Variants in KNTC1 observed in about 807,000 individuals in gnomAD.
The protein encoded by KNTC1 is kinetochore associated 1.
A neutral mutation model predicts 314.4 loss-of-function variants in KNTC1; 253 were observed. The observed-to-expected ratio is 0.80, with a 90% CI of 0.73 to 0.89. KNTC1 has a LOEUF of 0.89. Ranked by LOEUF, KNTC1 falls within the 40% of genes least tolerant of loss-of-function variation. The probability of loss-of-function intolerance (pLI) is 0.00; values close to 1 mark genes in which losing one functional copy is unlikely to be tolerated. For missense variants in KNTC1, 2,475 were observed against 2,572.9 expected, an observed-to-expected ratio of 0.96 and a Z score of 0.82; for synonymous variants, 901 against 901.4, an observed-to-expected ratio of 1.00 and a Z score of 0.01.
At position 122,594,694 on chromosome 12, in the gene KNTC1, C is replaced by G. The variant is rs185840062; in HGVS notation, c.4355+309C>G. Among the ~76,000 whole-genome samples, 25 of 152,296 alleles carry G rather than the reference C, an allele frequency of 1.6e-4. No homozygotes were observed. In the South Asian group the frequency reaches 1.9e-3, roughly 11 times the overall value. On this transcript the variant is annotated intron_variant, in intron 43 of 63. Coordinates refer to ENST00000333479, the MANE Select transcript of KNTC1 (RefSeq NM_014708.6). ...GGTCTGGACCAAGGCCTAGAAATCGCTGGTCTCTAATAGGAGCTCAGGTGA... is the reference window on the plus strand; with the variant it reads ...GGTCTGGACCAAGGCCTAGAAATCGGTGGTCTCTAATAGGAGCTCAGGTGA...
In KNTC1 at chr12:122,626,222, A is replaced by G. The variant is rs530214801; in HGVS notation, c.6624A>G (p.Leu2208=). 41 of 1,589,514 alleles carry G rather than the reference A, an allele frequency of 2.6e-5. No homozygotes were observed. The East Asian group carries it at 8.5e-4, about 33-fold the overall frequency. The change falls in exon 64 of 64, where the codon TTA becomes TTG. Residue 2208 remains leucine (L), a synonymous_variant. Transcript: ENST00000333479. ...CCATTTAGATGTTTCTTAGTGGATT[A>G]TCGTAAATCACTGAACCTTTTTTTC... ...CEILKMFLSG[L]S
At chr12:122,564,995 C>G (rs1407958078) in intron 20 of KNTC1, among the ~76,000 whole-genome samples, 1 of 152,172 alleles carries the variant, frequency 6.6e-6, no homozygotes, top group South Asian at 2.1e-4. Flanking sequence ...TTCATCCAAA[C>G]TTGGCTTCCA....
At chr12:122,584,546 A>G in intron 35 of KNTC1, 96 bp downstream of exon 35, 1 of 830,464 alleles carries the variant, frequency 1.2e-6, no homozygotes, top group Admixed American at 2.8e-5. Flanking sequence ...CATCACGGTA[A>G]TCAGACTAGA....
At chr12:122,610,720 T>G in intron 52 of KNTC1, 102 bp from the exon 53 acceptor site, 5 of 721,706 alleles carry the variant, frequency 6.9e-6, no homozygotes, top group Non-Finnish European at 1.2e-5. Flanking sequence ...GATCTGCCTT[T>G]GAGTTGTCTA....
rs150994492 is a variant in KNTC1, at chr12:122,557,789, T to G, written c.1488+100T>G. ...AAATATATCTTTTCCTCCTATCCGC[T>G]ATGTGTATTATTAATAAAAAAGTTT... On this transcript the variant is annotated intron_variant, in intron 18 of 63. Coordinates refer to ENST00000333479, the MANE Select transcript of KNTC1 (RefSeq NM_014708.6). 20 of 762,236 alleles carry G rather than the reference T, an allele frequency of 2.6e-5. No individual in the cohort carries two copies. The East Asian group carries it at 5.4e-4, about 20-fold the overall frequency. 47.2% of individuals were successfully genotyped at this position (762,236 alleles called of 1,614,324 possible).
At chr12:122,568,969 T>C (rs569639193) in intron 21 of KNTC1, among the ~76,000 whole-genome samples, 14 of 152,160 alleles carry the variant, frequency 9.2e-5, no homozygotes, top group Non-Finnish European at 1.9e-4. Flanking sequence ...TCTTGGGAGC[T>C]AAATGATGAG....
At chr12:122,554,002 G>A (rs911998460) in intron 16 of KNTC1, among the ~76,000 whole-genome samples, 1 of 149,370 alleles carries the variant, frequency 6.7e-6, no homozygotes, top group Admixed American at 6.7e-5. Context: ...TACTAAGTGG[G>A]TGCTTGCTAC....
At position 122,580,061 on chromosome 12, in the gene KNTC1, C is replaced by T. The variant is rs999731890; in HGVS notation, c.2914+84C>T. On this transcript the variant is annotated intron_variant, in intron 32 of 63. Coordinates refer to ENST00000333479, the MANE Select transcript of KNTC1 (RefSeq NM_014708.6). Reference sequence around the variant, plus strand: ...AAGAGGCATCGAAGACAACTCTCACCGTACCCGCAGTTTTTCTGGTTCTGA... The same window carrying T: ...AAGAGGCATCGAAGACAACTCTCACTGTACCCGCAGTTTTTCTGGTTCTGA... 6.2e-5 allele frequency: 53 copies of T among 859,898 alleles called. 1 individual carries two copies. Among genetic ancestry groups the T allele is most frequent in the African/African-American group, 3.4e-4 (20 of 59,368 alleles). The allele number at this position is 859,898 out of a possible 1,614,324, so 53.3% of individuals were successfully genotyped here.
chr12:122,600,222 C>T (rs1317673653), intron 44 of KNTC1, among the ~76,000 whole-genome samples: 1 of 152,120 alleles, frequency 6.6e-6, no homozygotes, highest in East Asian at 1.9e-4. Flanking sequence ...GCCTCTGCCT[C>T]CTGAGTAGTT....
At chr12:122,579,207 GGCGCCCGCCACT>G (rs1965233239) in intron 31 of KNTC1, among the ~76,000 whole-genome samples, 1 of 149,806 alleles carries the variant, frequency 6.7e-6, no homozygotes. Flanking sequence ...TGGGACTACA[GGCGCCCGCCACT>G]ACGCCCGGCT....
intron 53 of KNTC1, among the ~76,000 whole-genome samples, chr12:122,612,512 G>A (rs1325384205): frequency 8.0e-5 from 12 of 150,358 alleles, no homozygotes; most frequent in Admixed American, 1.3e-4. Flanking sequence ...CTCCGCCTCC[G>A]GGTTCAAATG....
At chr12:122,572,787 A>C (rs1964781837) in intron 24 of KNTC1, 150 bp from the exon 25 acceptor site, 2 of 573,782 alleles carry the variant, frequency 3.5e-6, no homozygotes, top group Non-Finnish European at 3.0e-6. Context: ...AATACTACAA[A>C]ATTTAGAGCA....
intron 10 of KNTC1, among the ~76,000 whole-genome samples, chr12:122,547,103 G>A (rs1962831014): frequency 6.6e-6 from 1 of 151,910 alleles, no homozygotes; most frequent in Non-Finnish European, 1.5e-5. Context: ...CAAAGTGCTG[G>A]GATTACAGGT....
intron 12 of KNTC1, 100 bp from the exon 13 acceptor site, chr12:122,549,666 G>T: frequency 1.5e-6 from 1 of 677,868 alleles, no homozygotes; most frequent in South Asian, 1.6e-5. Flanking sequence ...ACGCCCAGCC[G>T]CTCCCATGTG....
At chr12:122,594,247 T>C (rs1463694693) in intron 42 of KNTC1, 29 bp from the exon 43 acceptor site, 1 of 1,306,764 alleles carries the variant, frequency 7.7e-7, no homozygotes, top group Admixed American at 1.7e-5. Context: ...GAGGGTTTTT[T>C]TGCTTTGTTT....
chr12:122,537,643 C>A (rs1340618196), intron 3 of KNTC1, among the ~76,000 whole-genome samples: 1 of 151,832 alleles, frequency 6.6e-6, no homozygotes, highest in East Asian at 2.0e-4. Flanking sequence ...GTCTCGAACT[C>A]CTGACCTCAA....
intron 11 of KNTC1, 81 bp from the exon 12 acceptor site, chr12:122,547,834 T>C: frequency 1.2e-6 from 1 of 830,032 alleles, no homozygotes; most frequent in Non-Finnish European, 1.8e-6. Flanking sequence ...AAAGCCTACT[T>C]TTTTAATCAA....
At chr12:122,611,205 A>T (rs972653568) in intron 53 of KNTC1, 20 of 304,684 alleles carry the variant, frequency 6.6e-5, no homozygotes, top group Non-Finnish European at 1.2e-4. Flanking sequence ...GGAGCCAAAC[A>T]AACTGTCCAC....
At chr12:122,562,565 T>C in intron 19 of KNTC1, 73 bp from the exon 20 acceptor site, 1 of 925,368 alleles carries the variant, frequency 1.1e-6, no homozygotes, top group Non-Finnish European at 1.7e-6. Context: ...TGAAATGTAA[T>C]GATTCATTTT....
Sources: allele counts gnomAD v4.1 joint callset (sites outside exome capture counted in the v4.1 genomes callset), GRCh38; gene constraint gnomAD v4.1.1; transcripts MANE v1.5; gene names NCBI Gene and HGNC (gene_info 2026-07-23, HGNC 2026-07-21).